The following FGF14 variants were observed in gnomAD, a reference collection of about 807,000 sequenced individuals.
FGF14 encodes the protein fibroblast growth factor homologous factor 4.
Under a neutral mutation model 25.5 loss-of-function variants are expected in FGF14, and 5 were observed. The ratio of observed to expected loss-of-function variants is 0.20; its 90% CI spans 0.10 to 0.41. The LOEUF is 0.41. Among genes scored for constraint, FGF14 ranks in the 10% least tolerant of loss-of-function variants. The pLI, the probability that FGF14 is intolerant of heterozygous loss-of-function variation, is 1.00. For synonymous variants in FGF14, 138 were observed against 118.3 expected, an observed-to-expected ratio of 1.17 and a Z score of -1.08; for missense variants, 222 against 320.1, an observed-to-expected ratio of 0.69 and a Z score of 2.34.
At chr13:101,997,068 C>T (rs554979239) in intron 1 of FGF14, among the ~76,000 whole-genome samples, 12 of 152,194 alleles carry the variant, frequency 7.9e-5, no homozygotes, top group African/African-American at 1.9e-4. Flanking sequence ...GTCGCTCAGC[C>T]GGGCACTCTT....
At chr13:102,150,878 T>C (rs1348502777) in intron 1 of FGF14, among the ~76,000 whole-genome samples, 1 of 152,150 alleles carries the variant, frequency 6.6e-6, no homozygotes, top group African/African-American at 2.4e-5. Context: ...GCCCCTACAA[T>C]TAATCATCTA....
At chr13:102,007,612 C>T (rs2039874357) in intron 1 of FGF14, among the ~76,000 whole-genome samples, 1 of 152,188 alleles carries the variant, frequency 6.6e-6, no homozygotes, top group Admixed American at 6.5e-5. Context: ...GACTCTGTGA[C>T]TCCATCTCTT....
chr13:102,134,916 G>A (rs1657161629), intron 1 of FGF14, among the ~76,000 whole-genome samples: 2 of 151,912 alleles, frequency 1.3e-5, no homozygotes, highest in African/African-American at 4.8e-5. Context: ...AGGTTCAGTG[G>A]CTCATGCCTA....
At chr13:101,759,546 C>T (rs563901750) in intron 3 of FGF14, among the ~76,000 whole-genome samples, 56 of 152,224 alleles carry the variant, frequency 3.7e-4, no homozygotes, top group African/African-American at 1.3e-3. Context: ...CCCATTGTTA[C>T]GATTCTTAAC....
intron 1 of FGF14, among the ~76,000 whole-genome samples, chr13:101,915,674 A>G (rs1022244860): frequency 2.6e-5 from 4 of 152,234 alleles, no homozygotes; most frequent in Admixed American, 2.6e-4. Flanking sequence ...TAGTAAGGTA[A>G]CTATTCTAGT....
intron 1 of FGF14, among the ~76,000 whole-genome samples, chr13:102,103,532 C>T (rs1376985719): frequency 6.6e-6 from 1 of 151,728 alleles, no homozygotes; most frequent in Non-Finnish European, 1.5e-5. Flanking sequence ...TATTCTTTTC[C>T]AGATGTTATT....
intron 1 of FGF14, among the ~76,000 whole-genome samples, chr13:102,371,061 C>A (rs747719163): frequency 2.0e-5 from 3 of 152,168 alleles, no homozygotes; most frequent in Admixed American, 6.5e-5. Context: ...TCATGTATCC[C>A]ATGAACTATT....
chr13:101,806,253 C>T (rs1397964542), intron 3 of FGF14, among the ~76,000 whole-genome samples: 1 of 151,706 alleles, frequency 6.6e-6, no homozygotes, highest in Non-Finnish European at 1.5e-5. Context: ...AACCCAGTCT[C>T]TACTAAAAAT....
intron 1 of FGF14, among the ~76,000 whole-genome samples, chr13:101,958,383 CTCCTTTACTT>C (rs1201520690): frequency 3.3e-5 from 5 of 152,224 alleles, no homozygotes; most frequent in Non-Finnish European, 7.3e-5. Context: ...CATTTCATCA[CTCCTTTACTT>C]TCCTTTACTT....
intron 1 of FGF14, among the ~76,000 whole-genome samples, chr13:102,047,061 T>C (rs2042015257): frequency 6.6e-6 from 1 of 152,138 alleles, no homozygotes; most frequent in South Asian, 2.1e-4. Flanking sequence ...TGGACAGGAA[T>C]TGGCGAAGTA....
chr13:102,122,855 A>T (rs533810789), intron 1 of FGF14, among the ~76,000 whole-genome samples: 2 of 152,208 alleles, frequency 1.3e-5, no homozygotes, highest in Non-Finnish European at 1.5e-5. Flanking sequence ...ATGGGTATTT[A>T]TACTCTCTCC....
intron 1 of FGF14, among the ~76,000 whole-genome samples, chr13:102,212,326 C>A (rs1566822853): frequency 6.6e-6 from 1 of 152,170 alleles, no homozygotes; most frequent in East Asian, 1.9e-4. Context: ...TTGAGCATCA[C>A]ACAAATTCAT....
At chr13:101,733,010 T>G (rs940168814) in intron 3 of FGF14, among the ~76,000 whole-genome samples, 1 of 152,202 alleles carries the variant, frequency 6.6e-6, no homozygotes, top group Non-Finnish European at 1.5e-5. Flanking sequence ...GCTACTATTC[T>G]GACACTAACC....
chr13:102,225,919 C>T (rs9513995), intron 1 of FGF14, among the ~76,000 whole-genome samples: 123,509 of 152,176 alleles, frequency 0.81, 50,607 homozygotes, highest in African/African-American at 0.92. Context: ...AGTCCCTGAG[C>T]TGAGGTCGTG....
At chr13:102,279,089 A>T (rs1192173174) in intron 1 of FGF14, among the ~76,000 whole-genome samples, 1 of 152,200 alleles carries the variant, frequency 6.6e-6, no homozygotes, top group Non-Finnish European at 1.5e-5. Flanking sequence ...AGAAAACTGG[A>T]CAAATTAAAA....
chr13:102,091,596 T>C (rs1272202949), intron 1 of FGF14, among the ~76,000 whole-genome samples: 1 of 152,196 alleles, frequency 6.6e-6, no homozygotes, highest in Non-Finnish European at 1.5e-5. Context: ...CTCAGAGGTC[T>C]GGATTCCAGC....
At chr13:101,928,515 A>G (rs2139221089) in intron 1 of FGF14, among the ~76,000 whole-genome samples, 2 of 151,956 alleles carry the variant, frequency 1.3e-5, no homozygotes, top group East Asian at 3.9e-4. Flanking sequence ...ATGGCTTTGA[A>G]CTGAAATCTT....
At chr13:102,333,001 T>C (rs141204480) in intron 1 of FGF14, among the ~76,000 whole-genome samples, 6 of 152,306 alleles carry the variant, frequency 3.9e-5, no homozygotes, top group African/African-American at 7.2e-5. Flanking sequence ...GATCACAACA[T>C]AGAACTCTTA....
intron 3 of FGF14, among the ~76,000 whole-genome samples, chr13:101,774,542 A>C (rs1463026673): frequency 6.6e-6 from 1 of 152,140 alleles, no homozygotes; most frequent in Admixed American, 6.5e-5. Flanking sequence ...TTGCTGGTTT[A>C]GAAGCCCTGC....
Sources: gnomAD v4.1 joint callset for allele counts (sites outside exome capture counted in the v4.1 genomes callset) on GRCh38, gnomAD v4.1.1 for gene constraint, MANE v1.5 for transcripts, NCBI Gene and HGNC (gene_info 2026-07-23, HGNC 2026-07-21) for gene names.